FSTL4: variants seen among roughly 807,000 people sequenced by gnomAD.
The protein encoded by FSTL4 is follistatin like 4.
FSTL4 carries 28 observed loss-of-function variants against 78.2 expected under a neutral mutation model. The observed-to-expected ratio is 0.36, with a 90% CI of 0.27 to 0.49. The LOEUF (loss-of-function observed/expected upper bound fraction) is 0.49, where lower values mean the gene tolerates loss of function less well. Ranked by LOEUF, FSTL4 falls within the 20% of genes least tolerant of loss-of-function variation. The probability of loss-of-function intolerance (pLI) is 0.98; values close to 1 mark genes in which losing one functional copy is unlikely to be tolerated. For missense variants in FSTL4, 922 were observed against 1,084.9 expected, an observed-to-expected ratio of 0.85 and a Z score of 2.11; for synonymous variants, 422 against 440.5, an observed-to-expected ratio of 0.96 and a Z score of 0.53.
At chr5:133,664,816 C>T in the FSTL4 span, among the ~76,000 whole-genome samples, 3 of 152,264 alleles carry the variant, frequency 2.0e-5, no homozygotes, top group African/African-American at 4.8e-5. Flanking sequence ...TAGCTTAGAG[C>T]ATCATGAATC....
intron 4 of FSTL4, among the ~76,000 whole-genome samples, chr5:133,319,271 C>G (rs1472788944): frequency 6.6e-6 from 1 of 152,210 alleles, no homozygotes; most frequent in Non-Finnish European, 1.5e-5. Flanking sequence ...CCCTCCAGGT[C>G]TCCAGCATCA....
the FSTL4 span, among the ~76,000 whole-genome samples, chr5:133,786,145 A>G: frequency 9.9e-5 from 15 of 152,154 alleles, no homozygotes; most frequent in African/African-American, 3.6e-4. Flanking sequence ...AAGCAAGCCC[A>G]GTTTTGTGTA....
At chr5:133,252,183 T>G (rs1269952297) in intron 6 of FSTL4, 1 of 152,260 alleles carries the variant, frequency 6.6e-6, no homozygotes, top group African/African-American at 2.4e-5. Flanking sequence ...GAGCATTTAG[T>G]TGTGCTTTTC....
rs1755073138 is a variant in FSTL4 at position 133,361,629 on chromosome 5, G to A, written c.409+39109C>T. ...AAAATTTTGAGACTGGGAATGTATAGCCATGAGGAAACCCAAAGGAGGTGT... is the reference window on the plus strand; with the variant it reads ...AAAATTTTGAGACTGGGAATGTATAACCATGAGGAAACCCAAAGGAGGTGT... On this transcript the variant is annotated intron_variant, in intron 4 of 15. Transcript: ENST00000265342. The surrounding 1 kb of genome is among the most constrained non-coding windows in gnomAD (Gnocchi z 4.3). Among the ~76,000 whole-genome samples, 1 of 152,182 alleles carries A rather than the reference G, an allele frequency of 6.6e-6. No homozygotes were observed. The highest frequency in any genetic ancestry group is 2.4e-5 in the African/African-American group (1 of 41,444).
At chr5:133,416,419 T>C (rs1020481387) in intron 3 of FSTL4, among the ~76,000 whole-genome samples, 6 of 152,218 alleles carry the variant, frequency 3.9e-5, no homozygotes, top group African/African-American at 1.4e-4. Context: ...GCAATCACAG[T>C]ACTAGTTAAT....
chr5:133,349,878 T>A (rs1450207195), intron 4 of FSTL4, among the ~76,000 whole-genome samples: 1 of 142,886 alleles, frequency 7.0e-6, no homozygotes, highest in Non-Finnish European at 1.5e-5. Flanking sequence ...GGCTGCCATG[T>A]GACTGTAAAG....
chr5:133,668,512 C>T, the FSTL4 span, among the ~76,000 whole-genome samples: 9 of 152,158 alleles, frequency 5.9e-5, no homozygotes, highest in African/African-American at 1.9e-4. Flanking sequence ...GCTGCCAGAG[C>T]GAATGGTCTG....
chr5:133,597,893 C>T (rs966568045), intron 2 of FSTL4, among the ~76,000 whole-genome samples: 7 of 152,162 alleles, frequency 4.6e-5, no homozygotes, highest in African/African-American at 1.4e-4. Flanking sequence ...GTCCTTGGAG[C>T]AGGGGGTGTG....
At chr5:133,284,369 T>C (rs1412994019) in intron 6 of FSTL4, among the ~76,000 whole-genome samples, 1 of 152,214 alleles carries the variant, frequency 6.6e-6, no homozygotes, top group African/African-American at 2.4e-5. Flanking sequence ...AACACTATCC[T>C]TCAATTGTTG....
At chr5:133,413,371 C>A (rs544250341) in intron 3 of FSTL4, among the ~76,000 whole-genome samples, 2 of 152,052 alleles carry the variant, frequency 1.3e-5, no homozygotes, top group South Asian at 4.2e-4. Context: ...ACTTGATAAA[C>A]CTTTTGTTCC....
At chr5:133,392,069 T>A (rs1755863420) in intron 4 of FSTL4, among the ~76,000 whole-genome samples, 1 of 152,148 alleles carries the variant, frequency 6.6e-6, no homozygotes, top group Non-Finnish European at 1.5e-5. Context: ...ATGGTCAAAG[T>A]TCCATCTTGG....
At chr5:133,465,906 C>G (rs9686431) in intron 3 of FSTL4, among the ~76,000 whole-genome samples, 325 of 152,368 alleles carry the variant, frequency 2.1e-3, no homozygotes, top group Middle Eastern at 0.01. Flanking sequence ...AACATCGTGG[C>G]TAGCTTATCG....
rs778929444 is a variant in FSTL4 at position 133,210,204 on chromosome 5, C to A, written c.1703G>T (p.Arg568Leu). The A allele has an allele frequency of 5.0e-6, 8 of 1,590,740 alleles. No individual in the cohort carries two copies. The African/African-American group carries it at 1.1e-4, about 21-fold the overall frequency. The change falls in exon 14 of 16, where the codon CGA becomes CTA. Residue 568 changes from arginine to leucine, a missense_variant. Physicochemically the swap from Arg to Leu is moderately radical, Grantham distance 102. Coordinates refer to ENST00000265342, the MANE Select transcript of FSTL4 (RefSeq NM_015082.2). Reference protein sequence around the residue: ...VLSWGDVHKSRPSLQVITEAS... With the variant: ...VLSWGDVHKSLPSLQVITEAS... ...TGCTCAACATACCTGGAGACTTGGT[C>A]GGGACTTGTGCACGTCCCCCCAGCT...
chr5:133,277,832 G>C (rs1043243561), intron 6 of FSTL4, among the ~76,000 whole-genome samples: 13 of 152,234 alleles, frequency 8.5e-5, no homozygotes, highest in African/African-American at 3.1e-4. Context: ...GTTCATGCCA[G>C]GGACACTTGG....
At chr5:133,345,932 C>T (rs1317862051) in intron 4 of FSTL4, among the ~76,000 whole-genome samples, 1 of 152,182 alleles carries the variant, frequency 6.6e-6, no homozygotes, top group African/African-American at 2.4e-5. Context: ...ACTATAAAGA[C>T]ACATGCACAT....
chr5:133,639,747 G>T, the FSTL4 span, among the ~76,000 whole-genome samples: 3 of 152,164 alleles, frequency 2.0e-5, no homozygotes, highest in East Asian at 3.9e-4. Context: ...ATGTTCAGGA[G>T]GTCCCATAAC....
chr5:133,698,157 A>G, the FSTL4 span, among the ~76,000 whole-genome samples: 1 of 152,174 alleles, frequency 6.6e-6, no homozygotes, highest in Admixed American at 6.5e-5. Flanking sequence ...CAACTACTTC[A>G]TACCCTTACT....
At chr5:133,730,540 AC>A in the FSTL4 span, among the ~76,000 whole-genome samples, 6 of 152,316 alleles carry the variant, frequency 3.9e-5, no homozygotes, top group African/African-American at 1.2e-4. Context: ...TCCTGATTCT[AC>A]ACAAGTCTAG....
intron 3 of FSTL4, among the ~76,000 whole-genome samples, chr5:133,450,967 G>A (rs553333389): frequency 6.6e-6 from 1 of 152,254 alleles, no homozygotes; most frequent in Admixed American, 6.5e-5. Context: ...TGGGGTGAGT[G>A]GAGGGAGACA....
Sources: gnomAD v4.1 joint callset for allele counts (sites outside exome capture counted in the v4.1 genomes callset) on GRCh38, gnomAD v4.1.1 for gene constraint, Gnocchi (gnomAD v3.1) non-coding constraint, MANE v1.5 for transcripts, NCBI Gene and HGNC (gene_info 2026-07-23, HGNC 2026-07-21) for gene names.